The following ZFHX3 variants were observed in gnomAD, a reference collection of about 807,000 sequenced individuals.
ZFHX3 encodes the protein zinc finger homeobox protein 3.
A neutral mutation model predicts 279.1 loss-of-function variants in ZFHX3; 42 were observed. The ratio of observed to expected loss-of-function variants is 0.15; its 90% CI spans 0.12 to 0.19. ZFHX3 has a LOEUF of 0.19. ZFHX3 is among the 10% of genes least tolerant of loss of function. The pLI, the probability that ZFHX3 is intolerant of heterozygous loss-of-function variation, is 1.00. For synonymous variants in ZFHX3, 2,293 were observed against 1,957.8 expected, an observed-to-expected ratio of 1.17 and a Z score of -4.52; for missense variants, 4,981 against 4,754.0, an observed-to-expected ratio of 1.05 and a Z score of -1.40.
rs571508901 is a variant in ZFHX3 at position 73,482,269 on chromosome 16, G to A, written c.-1546-26011C>T. ...AGTCCCTACTCCTGCAGCCACAGAT[G>A]AAAGGCAAATTTTGCAAGCCAACAT... On this transcript the variant is annotated intron_variant, in intron 2 of 17. Coordinates refer to the ZFHX3 transcript ENST00000641206. Among the ~76,000 whole-genome samples, 167 of 152,308 alleles carry A rather than the reference G, an allele frequency of 1.1e-3. 1 individual carries two copies. Among genetic ancestry groups the A allele is most frequent in the African/African-American group, 3.8e-3 (159 of 41,576 alleles).
At chr16:73,494,010 G>C (rs1046494449) in intron 2 of ZFHX3, among the ~76,000 whole-genome samples, 1 of 151,726 alleles carries the variant, frequency 6.6e-6, no homozygotes, top group African/African-American at 2.4e-5. Flanking sequence ...CCTTCTCCTT[G>C]AAGACTCCAT....
chr16:73,022,871 C>T (rs1047382413), intron 1 of ZFHX3, among the ~76,000 whole-genome samples: 4 of 152,018 alleles, frequency 2.6e-5, no homozygotes, highest in Non-Finnish European at 4.4e-5. Context: ...CCAAATCCCC[C>T]GATTTTTTTT....
chr16:73,579,594 C>T (rs936917762), intron 2 of ZFHX3, among the ~76,000 whole-genome samples: 9 of 150,644 alleles, frequency 6.0e-5, no homozygotes, highest in Admixed American at 1.3e-4. Context: ...CTCCGCCTGC[C>T]GGGTTCACGC....
At chr16:72,989,166 G>A (rs1167691431) in intron 1 of ZFHX3, among the ~76,000 whole-genome samples, 1 of 149,624 alleles carries the variant, frequency 6.7e-6, no homozygotes, top group Non-Finnish European at 1.5e-5. Context: ...ACAGCAAGAC[G>A]CTGTCTCAAA....
chr16:73,410,688 A>G lies in ZFHX3; in HGVS notation c.-1291+45315T>C, dbSNP rs188341683. On this transcript the variant is annotated intron_variant, in intron 3 of 17. Coordinates refer to the ZFHX3 transcript ENST00000641206. ...TGCTCTTGGACCAGTGTGATCTGAA[A>G]GGATGACATCCAGTAGATGGAGGAA... Among the ~76,000 whole-genome samples the G allele has an allele frequency of 1.1e-3, 165 of 152,358 alleles. 1 individual carries two copies. Among genetic ancestry groups the G allele is most frequent in the Non-Finnish European group, 1.5e-3 (103 of 68,030 alleles).
chr16:72,800,415 G>A (rs553269748), intron 7 of ZFHX3, among the ~76,000 whole-genome samples: 3 of 152,178 alleles, frequency 2.0e-5, no homozygotes, highest in Non-Finnish European at 2.9e-5. Flanking sequence ...CACTGACAAT[G>A]TTTTGTCATG....
At chr16:73,371,108 G>A (rs2016620176) in intron 3 of ZFHX3, among the ~76,000 whole-genome samples, 1 of 151,962 alleles carries the variant, frequency 6.6e-6, no homozygotes, top group African/African-American at 2.4e-5. Context: ...GATCACCTGA[G>A]GTCAGGAGTT....
In ZFHX3 at chr16:73,235,290, C is replaced by T. The variant is rs557501310; in HGVS notation, c.-1104+21757G>A. 3.3e-5 allele frequency among the ~76,000 whole-genome samples: 5 copies of T among 152,208 alleles called. No individual in the cohort carries two copies. The East Asian group carries it at 5.8e-4, about 18-fold the overall frequency. On this transcript the variant is annotated intron_variant, in intron 5 of 17. Transcript: ENST00000641206. ...TTCCCTGTGTTCACCAGGATGGTCT[C>T]GATCTCCTGACCTCATCATCCTCCT...
At chr16:73,201,913 G>A (rs898307382) in intron 5 of ZFHX3, among the ~76,000 whole-genome samples, 6 of 152,158 alleles carry the variant, frequency 3.9e-5, no homozygotes, top group African/African-American at 1.4e-4. Flanking sequence ...CCTACATATT[G>A]ATGAATGAAA....
intron 2 of ZFHX3, among the ~76,000 whole-genome samples, chr16:73,602,441 G>C (rs1469043809): frequency 6.6e-6 from 1 of 152,112 alleles, no homozygotes; most frequent in South Asian, 2.1e-4. Flanking sequence ...GGTCTCATGA[G>C]ACGATTCCTC....
intron 5 of ZFHX3, 91 bp downstream of exon 5, chr16:72,829,688 T>C (rs1189388261): frequency 4.9e-6 from 7 of 1,442,066 alleles, no homozygotes; most frequent in Non-Finnish European, 6.8e-6. Flanking sequence ...GCTCCCTGAC[T>C]TGTTAGCTCC....
In ZFHX3 at chr16:73,270,823, C is replaced by T. The variant is rs1174411018; in HGVS notation, c.-1193-13687G>A. On this transcript the variant is annotated intron_variant, in intron 4 of 17. Coordinates refer to the ZFHX3 transcript ENST00000641206. ...GGCCTCAATTGCATGGTACCCACTG[C>T]GTGCTGGGAGGTCCTCGGAGTTCTA... 6.6e-5 allele frequency among the ~76,000 whole-genome samples: 10 copies of T among 152,230 alleles called. No homozygotes were observed. In the South Asian group the frequency reaches 1.0e-3, roughly 16 times the overall value.
intron 2 of ZFHX3, among the ~76,000 whole-genome samples, chr16:73,527,962 G>A (rs1469959470): frequency 6.6e-6 from 1 of 152,216 alleles, no homozygotes; most frequent in African/African-American, 2.4e-5. Context: ...GATGCTTGTT[G>A]TTGTTTCTGC....
At chr16:73,730,284 T>C (rs1275156450) in intron 1 of ZFHX3, among the ~76,000 whole-genome samples, 1 of 151,374 alleles carries the variant, frequency 6.6e-6, no homozygotes, top group Non-Finnish European at 1.5e-5. Context: ...CCATGGTTTT[T>C]TTATGGCTCA....
At chr16:72,980,622 A>C (rs1475355760) in intron 1 of ZFHX3, among the ~76,000 whole-genome samples, 2 of 151,124 alleles carry the variant, frequency 1.3e-5, no homozygotes, top group South Asian at 2.1e-4. Flanking sequence ...AAAAACAAAA[A>C]CAGCTGGGTG....
At chr16:73,835,029 G>C (rs760224554) in intron 1 of ZFHX3, among the ~76,000 whole-genome samples, 4 of 152,198 alleles carry the variant, frequency 2.6e-5, no homozygotes, top group Non-Finnish European at 5.9e-5. Context: ...GAGGAAGGTG[G>C]CCCTCGGAAG....
At chr16:73,534,760 G>T (rs1203408898) in intron 2 of ZFHX3, among the ~76,000 whole-genome samples, 1 of 152,202 alleles carries the variant, frequency 6.6e-6, no homozygotes, top group African/African-American at 2.4e-5. Flanking sequence ...TTGCCAAATT[G>T]TGTGTCTGAG....
chr16:73,450,504 A>C (rs1156710764), intron 3 of ZFHX3, among the ~76,000 whole-genome samples: 1 of 152,184 alleles, frequency 6.6e-6, no homozygotes, highest in Non-Finnish European at 1.5e-5. Flanking sequence ...GGCTTTTAAC[A>C]CGTGTTTGTG....
chr16:73,090,009 C>A (rs1305218158), intron 8 of ZFHX3, among the ~76,000 whole-genome samples: 1 of 152,216 alleles, frequency 6.6e-6, no homozygotes, highest in African/African-American at 2.4e-5. Context: ...CCTGACAATG[C>A]CTTGCCTGCA....
Sources: gnomAD v4.1 joint callset for allele counts (sites outside exome capture counted in the v4.1 genomes callset) on GRCh38, gnomAD v4.1.1 for gene constraint, MANE v1.5 for transcripts, NCBI Gene and HGNC (gene_info 2026-07-23, HGNC 2026-07-21) for gene names.